The following EML6 variants were observed in gnomAD, a reference collection of about 807,000 sequenced individuals.
The protein encoded by EML6 is echinoderm microtubule-associated protein-like 6.
In EML6, 154 loss-of-function variants were observed where a neutral mutation model predicts 240.1. The ratio of observed to expected loss-of-function variants is 0.64; its 90% CI spans 0.56 to 0.73. The LOEUF (loss-of-function observed/expected upper bound fraction) is 0.73, where lower values mean the gene tolerates loss of function less well. EML6 is among the 30% of genes least tolerant of loss of function. EML6 has a pLI of 0.00. For missense variants in EML6, 2,964 were observed against 2,474.6 expected, an observed-to-expected ratio of 1.20 and a Z score of -4.20; for synonymous variants, 1,148 against 899.0, an observed-to-expected ratio of 1.28 and a Z score of -4.95.
intron 5 of EML6, among the ~76,000 whole-genome samples, chr2:54,821,067 C>A (rs1443556223): frequency 6.6e-5 from 10 of 152,136 alleles, no homozygotes; most frequent in Admixed American, 5.2e-4. Context: ...TTTCTCCTGA[C>A]CCCTGGGATA....
At chr2:54,938,803 G>T (rs1002005528) in intron 28 of EML6, among the ~76,000 whole-genome samples, 1 of 152,160 alleles carries the variant, frequency 6.6e-6, no homozygotes, top group Non-Finnish European at 1.5e-5. Flanking sequence ...GTTCTGTTTT[G>T]CCAAGTCTGA....
Position 54,894,940 on chromosome 2 carries a change from G to T in EML6, c.2768G>T (p.Gly923Val). ...DKGFVTGGKD[G>V]IVELWDDMFE... ...GGCTTTGTAACAGGTGGAAAGGACG[G>T]CATCGTGGAGCTCTGGGATGATATG... Residue 923 changes from glycine (G) to valine (V), a missense_variant, in exon 20 of 42, where the codon GGC becomes GTC. Coordinates refer to ENST00000356458, the MANE Select transcript of EML6 (RefSeq NM_001039753.4). 1 of 1,551,252 alleles carries T rather than the reference G, an allele frequency of 6.4e-7. No individual in the cohort carries two copies. Among genetic ancestry groups the T allele is most frequent in the Non-Finnish European group, 8.7e-7 (1 of 1,146,654 alleles).
At chr2:54,816,280 C>G (rs753281008) in intron 3 of EML6, among the ~76,000 whole-genome samples, 11 of 152,178 alleles carry the variant, frequency 7.2e-5, no homozygotes, top group Non-Finnish European at 1.2e-4. Context: ...CAGATTACTT[C>G]TACTTAGATT....
At position 54,970,107 on chromosome 2, in the gene EML6, CCTCTT is replaced by C; in HGVS notation, c.*13_*17del. ...GGCGATGTCTGTAAAATGCCAGAAG[CCTCTT>C]ATGTTATTGCTGCTGCTGCTACCAG... On this transcript the variant is annotated 3_prime_UTR_variant, in exon 42 of 42. Transcript: ENST00000356458. 1 of 1,551,574 alleles carries C rather than the reference CCTCTT, an allele frequency of 6.4e-7. No homozygotes were observed. The highest frequency in any genetic ancestry group is 2.4e-5 in the East Asian group (1 of 40,924).
At chr2:54,816,596 AT>A (rs1333749723) in intron 3 of EML6, among the ~76,000 whole-genome samples, 190 bp from the exon 4 acceptor site, 1 of 152,192 alleles carries the variant, frequency 6.6e-6, no homozygotes, top group East Asian at 1.9e-4. Context: ...GGTTCTTGAA[AT>A]TTCAGCATAT....
chr2:54,805,380 A>T (rs1279751574), intron 2 of EML6, among the ~76,000 whole-genome samples: 1 of 152,320 alleles, frequency 6.6e-6, no homozygotes, highest in East Asian at 1.9e-4. Flanking sequence ...CTGCCAAAAG[A>T]CTTTTCAAAG....
chr2:54,939,103 T>G (rs963507437), intron 28 of EML6, among the ~76,000 whole-genome samples: 4 of 152,250 alleles, frequency 2.6e-5, no homozygotes, highest in Admixed American at 6.5e-5. Flanking sequence ...ACAACAAGAT[T>G]TAGATTCATT....
chr2:54,928,239 A>T (rs974642405), intron 26 of EML6, 74 bp from the exon 27 acceptor site: 2 of 1,151,076 alleles, frequency 1.7e-6, no homozygotes, highest in Non-Finnish European at 2.6e-6. Context: ...ATCCAGTAGA[A>T]ACTAACATGG....
At chr2:54,792,461 A>G (rs1669505944) in intron 2 of EML6, among the ~76,000 whole-genome samples, 1 of 152,230 alleles carries the variant, frequency 6.6e-6, no homozygotes, top group Non-Finnish European at 1.5e-5. Flanking sequence ...TAGATATCTG[A>G]CCAAGTGGAA....
intron 25 of EML6, among the ~76,000 whole-genome samples, chr2:54,913,094 T>G (rs1054063039): frequency 2.8e-5 from 4 of 141,682 alleles, no homozygotes; most frequent in African/African-American, 1.0e-4. Flanking sequence ...TTTTTTTTAC[T>G]TTTAATAATA....
chr2:54,958,078 T>A (rs978632436), intron 33 of EML6, 80 bp downstream of exon 33: 4 of 1,282,054 alleles, frequency 3.1e-6, no homozygotes, highest in Non-Finnish European at 4.3e-6. Flanking sequence ...GAGGGGAGTT[T>A]GGCCAAGAGG....
Position 54,869,251 on chromosome 2 carries a change from G to A in EML6, c.2122G>A (p.Ala708Thr). 2 of 1,551,610 alleles carry A rather than the reference G, an allele frequency of 1.3e-6. No homozygotes were observed. The highest frequency in any genetic ancestry group is 2.4e-5 in the South Asian group (2 of 84,050). ...TGGAGAAGTAGTCTACCACATTGCT[G>A]CAGTTGCTGTCGTGTATAATCGGCA... Reference protein sequence around the residue: ...QAGEVVYHIAAVAVVYNRQQH... With the variant: ...QAGEVVYHIATVAVVYNRQQH... The change falls in exon 15 of 42, where the codon GCA becomes ACA. Residue 708 changes from alanine to threonine, a missense_variant. By Grantham distance (58) the Ala-to-Thr change is moderately conservative. Coordinates refer to ENST00000356458, the MANE Select transcript of EML6 (RefSeq NM_001039753.4).
At chr2:54,822,260 A>G (rs1668367356) in intron 5 of EML6, among the ~76,000 whole-genome samples, 1 of 152,226 alleles carries the variant, frequency 6.6e-6, no homozygotes, top group African/African-American at 2.4e-5. Context: ...GATTCAGTGA[A>G]TGACCACTCT....
intron 2 of EML6, among the ~76,000 whole-genome samples, chr2:54,794,520 T>G (rs79594714): frequency 0.035 from 5,255 of 152,186 alleles, 123 homozygotes; most frequent in Admixed American, 0.081. Flanking sequence ...TTCCCTTAAT[T>G]CAGATACTTT....
Position 54,879,598 on chromosome 2 carries a change from T to C in EML6, c.2396T>C (p.Val799Ala). 1 of 1,552,152 alleles carries C rather than the reference T, an allele frequency of 6.4e-7. No homozygotes were observed. Among genetic ancestry groups the C allele is most frequent in the African/African-American group, 1.4e-5 (1 of 73,162 alleles). Residue 799 changes from valine (V) to alanine (A), a missense_variant, in exon 17 of 42, where the codon GTA becomes GCA. Physicochemically the swap from Val to Ala is moderately conservative, Grantham distance 64. Transcript: ENST00000356458. ...SVGLDDFHSI[V>A]FWDWKKGEKI... Reference sequence around the variant, plus strand: ...GGTTTAGACGATTTTCACAGTATTGTATTTTGGGACTGGAAAAAGGGAGAA... The same window carrying C: ...GGTTTAGACGATTTTCACAGTATTGCATTTTGGGACTGGAAAAAGGGAGAA...
At chr2:54,886,196 T>TG (rs1672130933) in intron 17 of EML6, among the ~76,000 whole-genome samples, 1 of 142,226 alleles carries the variant, frequency 7.0e-6, no homozygotes, top group African/African-American at 2.6e-5. Context: ...GATGGTGTCT[T>TG]GCTGTGTCAC....
chr2:54,736,677 C>T (rs1447320135), intron 2 of EML6, among the ~76,000 whole-genome samples: 1 of 152,214 alleles, frequency 6.6e-6, no homozygotes, highest in African/African-American at 2.4e-5. Flanking sequence ...AACCTCTTCA[C>T]AGCACTGGGT....
In EML6 at chr2:54,894,989, T is replaced by C. The variant is rs967677926; in HGVS notation, c.2817T>C (p.Tyr939=). The C allele has an allele frequency of 1.5e-5, 24 of 1,551,432 alleles. No individual in the cohort carries two copies. The highest frequency in any genetic ancestry group is 2.4e-5 in the East Asian group (1 of 40,932). The change falls in exon 20 of 42, where the codon TAT becomes TAC. Residue 939 remains tyrosine (Y), a synonymous_variant. Transcript: ENST00000356458. ...TGTTTGAAAGATGTTTGAAGACTTATGCCATTAAAAGATCAGCATTGTCGA... is the reference window on the plus strand; with the variant it reads ...TGTTTGAAAGATGTTTGAAGACTTACGCCATTAAAAGATCAGCATTGTCGA... The part of the protein sequence containing the change: ...DDMFERCLKT[Y]AIKRSALSTS...
chr2:54,732,380 A>G (rs1683214225), intron 2 of EML6, among the ~76,000 whole-genome samples: 1 of 152,138 alleles, frequency 6.6e-6, no homozygotes, highest in African/African-American at 2.4e-5. Flanking sequence ...ATCCAAGGTC[A>G]TCAAGATTTA....
Sources: gnomAD v4.1 joint callset for allele counts (sites outside exome capture counted in the v4.1 genomes callset) on GRCh38, gnomAD v4.1.1 for gene constraint, MANE v1.5 for transcripts, NCBI Gene and HGNC (gene_info 2026-07-23, HGNC 2026-07-21) for gene names.